The following HORMAD2 variants were observed in gnomAD, a reference collection of about 807,000 sequenced individuals.
HORMAD2 encodes HORMA domain containing 2.
Under a neutral mutation model 38.8 loss-of-function variants are expected in HORMAD2, and 45 were observed. The ratio of observed to expected loss-of-function variants is 1.16; its 90% CI spans 0.91 to 1.49. The LOEUF is 1.49. HORMAD2 is among the 40% of genes most tolerant of loss of function. HORMAD2 has a pLI of 0.00. For synonymous variants in HORMAD2, 126 were observed against 122.8 expected, an observed-to-expected ratio of 1.03 and a Z score of -0.17; for missense variants, 338 against 367.0, an observed-to-expected ratio of 0.92 and a Z score of 0.65.
intron 10 of HORMAD2, among the ~76,000 whole-genome samples, chr22:30,132,311 G>A (rs1174576579): frequency 1.3e-5 from 2 of 152,180 alleles, no homozygotes; most frequent in African/African-American, 4.8e-5. Context: ...GCCAGGTGCA[G>A]TGGCTGATGC....
intron 3 of HORMAD2, among the ~76,000 whole-genome samples, chr22:30,099,211 A>G (rs1920928131): frequency 6.6e-6 from 1 of 152,200 alleles, no homozygotes; most frequent in Admixed American, 6.5e-5. Context: ...TGACAGATGG[A>G]AGAAAAAAGA....
chr22:30,138,052 C>T (rs1270507356), intron 10 of HORMAD2, among the ~76,000 whole-genome samples: 1 of 152,214 alleles, frequency 6.6e-6, no homozygotes, highest in Non-Finnish European at 1.5e-5. Flanking sequence ...AATTTCTCCA[C>T]ATCCTTACCA....
upstream of HORMAD2, among the ~76,000 whole-genome samples, chr22:30,078,422 A>G (rs1209654260): frequency 6.6e-6 from 1 of 151,864 alleles, no homozygotes; most frequent in Non-Finnish European, 1.5e-5. Context: ...CCTGGCCAAC[A>G]TGGTGAAACC....
chr22:30,200,456 A>G, the HORMAD2 span, among the ~76,000 whole-genome samples: 1 of 152,176 alleles, frequency 6.6e-6, no homozygotes, highest in Non-Finnish European at 1.5e-5. Context: ...TGCTACTGTG[A>G]ATAGGATATT....
intron 10 of HORMAD2, among the ~76,000 whole-genome samples, chr22:30,149,318 C>T (rs1924608873): frequency 6.6e-6 from 1 of 152,170 alleles, no homozygotes; most frequent in Admixed American, 6.5e-5. Context: ...CCACTAACCA[C>T]ATGGCTACTA....
At chr22:30,188,066 A>G in the HORMAD2 span, among the ~76,000 whole-genome samples, 2 of 151,980 alleles carry the variant, frequency 1.3e-5, no homozygotes, top group African/African-American at 2.4e-5. Context: ...ATAATAATAT[A>G]TCTTTTTTAA....
At chr22:30,186,474 T>C in the HORMAD2 span, among the ~76,000 whole-genome samples, 2 of 152,260 alleles carry the variant, frequency 1.3e-5, no homozygotes, top group Admixed American at 1.3e-4. Context: ...TTTTTTATTC[T>C]GCAAGACAAC....
chr22:30,134,176 T>A (rs1439402550), intron 10 of HORMAD2, among the ~76,000 whole-genome samples: 1 of 151,992 alleles, frequency 6.6e-6, no homozygotes, highest in Non-Finnish European at 1.5e-5. Context: ...AGGCGGGTGA[T>A]CACCTGAGGT....
At chr22:30,171,377 G>A (rs1000569180) in intron 10 of HORMAD2, among the ~76,000 whole-genome samples, 3 of 152,268 alleles carry the variant, frequency 2.0e-5, no homozygotes, top group South Asian at 4.1e-4. Context: ...TGAGAGAACA[G>A]CAACTCCATC....
Position 30,111,783 on chromosome 22 carries a change from C to A in HORMAD2, c.295-13C>A. ...TATGTAATAATAATAGTTTTTTTTT[C>A]TTTCTCTTGAAGCTACGTATGGCAG... On this transcript the variant is annotated splice_polypyrimidine_tract_variant and intron_variant, in intron 5 of 10. Coordinates refer to ENST00000336726, the MANE Select transcript of HORMAD2 (RefSeq NM_152510.4). 22 of 1,528,392 alleles carry A rather than the reference C, an allele frequency of 1.4e-5. No homozygotes were observed. The highest frequency in any genetic ancestry group is 1.9e-5 in the Non-Finnish European group (21 of 1,131,428). 94.7% of individuals were successfully genotyped at this position (1,528,392 alleles called of 1,614,324 possible).
chr22:30,205,392 C>T, the HORMAD2 span, among the ~76,000 whole-genome samples: 3 of 152,160 alleles, frequency 2.0e-5, no homozygotes, highest in Admixed American at 1.3e-4. Context: ...ACCCTGGGAC[C>T]GGAAACTGCT....
At chr22:30,122,466 A>T (rs1267968071) in intron 10 of HORMAD2, among the ~76,000 whole-genome samples, 1 of 152,188 alleles carries the variant, frequency 6.6e-6, no homozygotes, top group African/African-American at 2.4e-5. Flanking sequence ...AGATATCATA[A>T]ATTTAGAAAA....
chr22:30,207,350 G>A, the HORMAD2 span, among the ~76,000 whole-genome samples: 3 of 152,130 alleles, frequency 2.0e-5, no homozygotes, highest in Admixed American at 6.5e-5. Flanking sequence ...CTCCTATGAA[G>A]GGCAAGAAAC....
At chr22:30,090,483 T>C (rs2068662973) in intron 1 of HORMAD2, among the ~76,000 whole-genome samples, 2 of 152,246 alleles carry the variant, frequency 1.3e-5, no homozygotes, top group South Asian at 2.1e-4. Flanking sequence ...TTGGCTAATA[T>C]GAATTATGTG....
At chr22:30,201,449 CGCTGTTGCCCAG>C in the HORMAD2 span, among the ~76,000 whole-genome samples, 1 of 137,710 alleles carries the variant, frequency 7.3e-6, no homozygotes, top group Non-Finnish European at 1.5e-5. Flanking sequence ...GACGGATTCT[CGCTGTTGCCCAG>C]GCTGGAGTGC....
chr22:30,129,923 G>A (rs2146149165), intron 10 of HORMAD2, among the ~76,000 whole-genome samples: 1 of 152,224 alleles, frequency 6.6e-6, no homozygotes, highest in East Asian at 1.9e-4. Flanking sequence ...CTGTCTCTGT[G>A]ACTTAGAATT....
chr22:30,181,917 T>C (rs1926737329), downstream of HORMAD2, among the ~76,000 whole-genome samples: 1 of 152,262 alleles, frequency 6.6e-6, no homozygotes, highest in Non-Finnish European at 1.5e-5. Context: ...AGACTAGTTG[T>C]GCAAGATGTC....
chr22:30,082,720 G>C (rs1296183351), intron 1 of HORMAD2, among the ~76,000 whole-genome samples: 2 of 150,914 alleles, frequency 1.3e-5, no homozygotes, highest in Non-Finnish European at 2.9e-5. Context: ...CTTGAGCCCA[G>C]AAGTTTGAGG....
chr22:30,161,224 G>T (rs150990044), intron 10 of HORMAD2, among the ~76,000 whole-genome samples: 184 of 152,216 alleles, frequency 1.2e-3, no homozygotes, highest in Non-Finnish European at 1.3e-3. Flanking sequence ...TACCAAAGTG[G>T]TCTTTTTCTG....
Sources: gnomAD v4.1 joint callset for allele counts (sites outside exome capture counted in the v4.1 genomes callset) on GRCh38, gnomAD v4.1.1 for gene constraint, MANE v1.5 for transcripts, NCBI Gene and HGNC (gene_info 2026-07-23, HGNC 2026-07-21) for gene names.